The following RBFOX1 variants were observed in gnomAD, a reference collection of about 807,000 sequenced individuals.
The protein encoded by RBFOX1 is RNA binding fox-1 homolog 1, also known as RNA binding protein fox-1 homolog 1.
In RBFOX1, 8 loss-of-function variants were observed where a neutral mutation model predicts 57.7. The observed-to-expected ratio is 0.14, with a 90% CI of 0.08 to 0.25. RBFOX1 has a LOEUF of 0.25. Among genes scored for constraint, RBFOX1 ranks in the 10% least tolerant of loss-of-function variants. The pLI, the probability that RBFOX1 is intolerant of heterozygous loss-of-function variation, is 1.00. For missense variants in RBFOX1, 611 were observed against 548.5 expected (o/e 1.11, Z -1.14); for synonymous variants, 326 against 222.4 (o/e 1.47, Z -4.15).
chr16:7,449,210 T>A (rs895231031), intron 4 of RBFOX1, among the ~76,000 whole-genome samples: 12 of 152,246 alleles, frequency 7.9e-5, no homozygotes, highest in African/African-American at 2.9e-4. Context: ...ATTACAGGCG[T>A]GAGCCACCAT....
chr16:7,012,928 G>C (rs1003945332), intron 3 of RBFOX1, among the ~76,000 whole-genome samples: 1 of 152,088 alleles, frequency 6.6e-6, no homozygotes, highest in Non-Finnish European at 1.5e-5. Context: ...GTCAGGTCCT[G>C]GTGGAGGCTC....
intron 2 of RBFOX1, among the ~76,000 whole-genome samples, chr16:5,549,759 T>G (rs1429766003): frequency 6.6e-6 from 1 of 152,246 alleles, no homozygotes; most frequent in South Asian, 2.1e-4. Context: ...AACATCTCAT[T>G]TCACCCTGGA....
chr16:5,938,976 A>G (rs1303894049), intron 4 of RBFOX1, among the ~76,000 whole-genome samples: 2 of 152,204 alleles, frequency 1.3e-5, no homozygotes, highest in African/African-American at 4.8e-5. Context: ...CATCATTATC[A>G]GCAAACTATC....
chr16:6,239,686 CG>C (rs1300705248), intron 1 of RBFOX1, among the ~76,000 whole-genome samples: 33 of 151,740 alleles, frequency 2.2e-4, no homozygotes, highest in African/African-American at 7.5e-4. Context: ...TTAGTAGAGA[CG>C]GGGGTTTCAC....
chr16:5,341,811 C>A (rs1013913854), intron 1 of RBFOX1, among the ~76,000 whole-genome samples: 3 of 152,134 alleles, frequency 2.0e-5, no homozygotes, highest in African/African-American at 7.2e-5. Context: ...AAGGGGAACA[C>A]GGAGTTCTCT....
At chr16:6,917,908 C>G (rs1030824548) in intron 3 of RBFOX1, among the ~76,000 whole-genome samples, 1 of 152,120 alleles carries the variant, frequency 6.6e-6, no homozygotes, top group Non-Finnish European at 1.5e-5. Flanking sequence ...ACAATGGAGA[C>G]CTGGGTATTA....
chr16:5,708,058 G>A (rs561538537), intron 3 of RBFOX1, among the ~76,000 whole-genome samples: 18 of 152,244 alleles, frequency 1.2e-4, no homozygotes, highest in African/African-American at 4.1e-4. Flanking sequence ...AAAAGAAGGA[G>A]GCTAGTTGCT....
intron 11 of RBFOX1, among the ~76,000 whole-genome samples, chr16:7,644,529 C>T (rs1416337397): frequency 6.6e-6 from 1 of 152,170 alleles, no homozygotes; most frequent in Non-Finnish European, 1.5e-5. Flanking sequence ...CCCTCACAGG[C>T]CGCTCCTTAG....
chr16:7,603,328 G>C (rs1473060898), intron 9 of RBFOX1, among the ~76,000 whole-genome samples: 1 of 152,138 alleles, frequency 6.6e-6, no homozygotes, highest in Non-Finnish European at 1.5e-5. Context: ...TGCTTACTTT[G>C]CCAAACAACA....
chr16:6,664,151 C>G (rs891203109), intron 3 of RBFOX1, among the ~76,000 whole-genome samples: 2 of 152,196 alleles, frequency 1.3e-5, no homozygotes, highest in Admixed American at 6.5e-5. Context: ...CAGTTCCCTT[C>G]TGGTCCAGCC....
At chr16:6,718,272 C>T (rs542584617) in intron 3 of RBFOX1, among the ~76,000 whole-genome samples, 6 of 152,286 alleles carry the variant, frequency 3.9e-5, no homozygotes, top group South Asian at 2.1e-4. Context: ...CACTATTCCA[C>T]GTGCTGGGGT....
At chr16:7,231,533 A>G (rs1053283408) in intron 4 of RBFOX1, among the ~76,000 whole-genome samples, 2 of 152,200 alleles carry the variant, frequency 1.3e-5, no homozygotes, top group Non-Finnish European at 2.9e-5. Context: ...ACCCATTCCC[A>G]GTTAGATGCC....
At chr16:5,938,144 C>A (rs191132971) in intron 4 of RBFOX1, among the ~76,000 whole-genome samples, 6 of 152,142 alleles carry the variant, frequency 3.9e-5, no homozygotes, top group African/African-American at 1.4e-4. Flanking sequence ...TGCTTCCGTA[C>A]TTTACACAGA....
In RBFOX1 at chr16:6,504,341, C is replaced by T. The variant is rs190961513; in HGVS notation, c.-63-150262C>T. Among the ~76,000 whole-genome samples, 66 of 152,356 alleles carry T rather than the reference C, an allele frequency of 4.3e-4. No homozygotes were observed. The South Asian group carries it at 4.8e-3, about 11-fold the overall frequency. The stretch of plus-strand genomic sequence containing the variant: ...TTCAACTTCACATTCCCCTGCCCTT[C>T]ACCATCAGACAGTTTATTTCAGAGA... On this transcript the variant is annotated intron_variant, in intron 2 of 15. Coordinates refer to ENST00000550418, the MANE Select transcript of RBFOX1 (RefSeq NM_018723.4).
intron 4 of RBFOX1, among the ~76,000 whole-genome samples, chr16:7,504,746 TATATATATTTATATATATATATATTTA>T (rs2072428604): frequency 4.3e-4 from 6 of 13,918 alleles, no homozygotes; most frequent in African/African-American, 1.1e-3. Context: ...TATATATATA[TATATATATTTATATATATATATATTTA>T]TATATATATA....
At chr16:5,811,729 G>A (rs557590001) in intron 3 of RBFOX1, among the ~76,000 whole-genome samples, 10 of 152,302 alleles carry the variant, frequency 6.6e-5, no homozygotes, top group South Asian at 4.1e-4. Context: ...GATTACAGAC[G>A]TGAGCCACCA....
intron 4 of RBFOX1, among the ~76,000 whole-genome samples, chr16:7,074,699 C>T (rs1439313321): frequency 6.6e-6 from 1 of 152,064 alleles, no homozygotes; most frequent in Non-Finnish European, 1.5e-5. Flanking sequence ...TTGGTGAAAA[C>T]ATCAGCTTAT....
intron 4 of RBFOX1, among the ~76,000 whole-genome samples, chr16:7,231,642 G>C (rs144239608): frequency 6.6e-6 from 1 of 152,098 alleles, no homozygotes; most frequent in Non-Finnish European, 1.5e-5. Flanking sequence ...CAACCCAAAT[G>C]CCTATCAATA....
intron 2 of RBFOX1, among the ~76,000 whole-genome samples, chr16:6,566,540 C>CT (rs1395136236): frequency 6.6e-6 from 1 of 152,122 alleles, no homozygotes; most frequent in African/African-American, 2.4e-5. Context: ...CCATAGGCTG[C>CT]TTATCCCTTG....
Sources: allele counts gnomAD v4.1 joint callset (sites outside exome capture counted in the v4.1 genomes callset), GRCh38; gene constraint gnomAD v4.1.1; transcripts MANE v1.5; gene names NCBI Gene and HGNC (gene_info 2026-07-23, HGNC 2026-07-21).